ATP8A2: variants seen among roughly 807,000 people sequenced by gnomAD.
ATP8A2 encodes the protein ATPase phospholipid transporting 8A2, also known as phospholipid-transporting ATPase IB.
In ATP8A2, 100 loss-of-function variants were observed where a neutral mutation model predicts 165.6. The ratio of observed to expected loss-of-function variants is 0.60; its 90% CI spans 0.51 to 0.71. ATP8A2 has a LOEUF of 0.71. ATP8A2 is among the 30% of genes least tolerant of loss of function. The pLI is 0.00. For missense variants in ATP8A2, 1,227 were observed against 1,479.5 expected (o/e 0.83, Z 2.80); for synonymous variants, 543 against 548.8 (o/e 0.99, Z 0.15).
intron 24 of ATP8A2, among the ~76,000 whole-genome samples, chr13:25,680,439 T>C (rs763402822): frequency 6.6e-6 from 1 of 152,144 alleles, no homozygotes; most frequent in Non-Finnish European, 1.5e-5. Context: ...CTACCTTGAA[T>C]TCAGATTTCT....
At chr13:25,915,964 T>C (rs1381890325) in intron 33 of ATP8A2, among the ~76,000 whole-genome samples, 4 of 152,354 alleles carry the variant, frequency 2.6e-5, no homozygotes, top group Middle Eastern at 3.4e-3. Context: ...GAAATTTTTC[T>C]TTTTTTCTAT....
At chr13:25,811,256 A>G (rs1328633827) in intron 27 of ATP8A2, among the ~76,000 whole-genome samples, 5 of 152,250 alleles carry the variant, frequency 3.3e-5, no homozygotes, top group Non-Finnish European at 7.3e-5. Flanking sequence ...TATCAGTGAC[A>G]TAATTTTGGC....
rs2138004274 is a variant in ATP8A2 at position 25,543,326 on chromosome 13, G to T, written c.815G>T (p.Arg272Ile). The T allele has an allele frequency of 6.2e-7, 1 of 1,612,612 alleles. No homozygotes were observed. The stretch of plus-strand genomic sequence containing the variant: ...CTTGGGCCTGACCAGATCTTATTAA[G>T]AGGTACACAGCTTAGAAATACTCAG... Reference protein sequence around the residue: ...VALGPDQILLRGTQLRNTQWV... With the variant: ...VALGPDQILLIGTQLRNTQWV... The change falls in exon 10 of 37, where the codon AGA becomes ATA. Residue 272 changes from arginine (R) to isoleucine (I), a missense_variant. Arg to Ile is a moderately conservative substitution (Grantham distance 97, BLOSUM62 -3). Transcript: ENST00000381655.
intron 35 of ATP8A2, among the ~76,000 whole-genome samples, chr13:25,982,314 A>C (rs1956186184): frequency 6.6e-6 from 1 of 152,184 alleles, no homozygotes; most frequent in African/African-American, 2.4e-5. Context: ...CTCGCCTGTG[A>C]CAAATTCCTT....
At position 25,875,040 on chromosome 13, in the gene ATP8A2, G is replaced by A. The variant is rs76284178; in HGVS notation, c.3183+12632G>A. On this transcript the variant is annotated intron_variant, in intron 33 of 36. Coordinates refer to ENST00000381655, the MANE Select transcript of ATP8A2 (RefSeq NM_016529.6). The stretch of plus-strand genomic sequence containing the variant: ...AGGCAAATACTCTATGGTTCTGCTT[G>A]TATATAGTGAGTACTCGTAGAGACA... Among the ~76,000 whole-genome samples, 1,057 of 152,044 alleles carry A rather than the reference G, an allele frequency of 7.0e-3. 15 individuals carry two copies. The highest frequency in any genetic ancestry group is 0.024 in the African/African-American group (991 of 41,488).
chr13:25,870,116 C>T (rs1169550118), intron 33 of ATP8A2, among the ~76,000 whole-genome samples: 2 of 152,172 alleles, frequency 1.3e-5, no homozygotes, highest in Non-Finnish European at 2.9e-5. Flanking sequence ...CGGCTGTCCT[C>T]CAATTGTTCT....
chr13:25,646,933 A>G (rs1342251243), intron 24 of ATP8A2, among the ~76,000 whole-genome samples: 1 of 152,118 alleles, frequency 6.6e-6, no homozygotes, highest in Admixed American at 6.6e-5. Context: ...TAAGGTTCAC[A>G]TGGAGCATAT....
chr13:25,620,858 A>G (rs1270487743), intron 24 of ATP8A2, among the ~76,000 whole-genome samples: 2 of 152,214 alleles, frequency 1.3e-5, no homozygotes, highest in Non-Finnish European at 2.9e-5. Flanking sequence ...CAATGAACTA[A>G]TGGTGACATT....
At chr13:25,679,647 A>G (rs1445071706) in intron 24 of ATP8A2, among the ~76,000 whole-genome samples, 4 of 152,196 alleles carry the variant, frequency 2.6e-5, no homozygotes, top group Non-Finnish European at 4.4e-5. Flanking sequence ...CTAAATGTCT[A>G]CTAGCACACA....
chr13:25,885,642 G>A (rs1953126149), intron 33 of ATP8A2, among the ~76,000 whole-genome samples: 1 of 152,130 alleles, frequency 6.6e-6, no homozygotes, highest in Non-Finnish European at 1.5e-5. Context: ...GCAGTGTCCT[G>A]CTGTTTTTCA....
At chr13:25,658,294 A>G (rs1404668551) in intron 24 of ATP8A2, among the ~76,000 whole-genome samples, 1 of 152,202 alleles carries the variant, frequency 6.6e-6, no homozygotes, top group Non-Finnish European at 1.5e-5. Flanking sequence ...AAAAATGACC[A>G]GACATTCCCC....
chr13:25,792,029 A>G (rs1203481728), intron 27 of ATP8A2, among the ~76,000 whole-genome samples: 1 of 152,194 alleles, frequency 6.6e-6, no homozygotes, highest in East Asian at 1.9e-4. Context: ...AATTGCTTAA[A>G]TTAAAAACTT....
chr13:25,918,838 T>C (rs1223038980), intron 33 of ATP8A2, among the ~76,000 whole-genome samples: 1 of 152,226 alleles, frequency 6.6e-6, no homozygotes, highest in Non-Finnish European at 1.5e-5. Context: ...CTGTATTGGT[T>C]ACTGTGATTA....
chr13:25,395,953 C>T (rs1000124635), intron 1 of ATP8A2, among the ~76,000 whole-genome samples: 7 of 152,002 alleles, frequency 4.6e-5, no homozygotes, highest in Non-Finnish European at 2.9e-5. Flanking sequence ...AAGAGCTTTC[C>T]CTACCTCAGC....
At chr13:25,770,749 C>G (rs1047049989) in intron 26 of ATP8A2, among the ~76,000 whole-genome samples, 8 of 152,146 alleles carry the variant, frequency 5.3e-5, no homozygotes, top group African/African-American at 1.9e-4. Flanking sequence ...CCCTCTGTCT[C>G]CAGATTGCGA....
At chr13:25,828,277 A>G (rs565503635) in intron 28 of ATP8A2, 85 bp downstream of exon 28, 5 of 1,096,360 alleles carry the variant, frequency 4.6e-6, no homozygotes, top group Admixed American at 1.7e-5. Context: ...TGGGAAGTGT[A>G]TCTGAGTCAA....
chr13:25,834,639 G>A (rs114866080), intron 28 of ATP8A2, among the ~76,000 whole-genome samples: 3 of 152,276 alleles, frequency 2.0e-5, no homozygotes, highest in African/African-American at 7.2e-5. Context: ...AGCAAGAAAA[G>A]CATGATGAAG....
rs546492568 is a variant in ATP8A2 at position 25,374,818 on chromosome 13, C to T, written c.76+2530C>T. Among the ~76,000 whole-genome samples, 37 of 152,212 alleles carry T rather than the reference C, an allele frequency of 2.4e-4. 1 individual carries two copies. The South Asian group carries it at 7.5e-3, about 31-fold the overall frequency. On this transcript the variant is annotated intron_variant, in intron 1 of 36. Coordinates refer to ENST00000381655, the MANE Select transcript of ATP8A2 (RefSeq NM_016529.6). ...AAACAGGGGCAGAGGGCCTGACAAT[C>T]GTGTACTCCCATAAAAATACTAAAC...
intron 2 of ATP8A2, among the ~76,000 whole-genome samples, chr13:25,510,697 A>G (rs959606409): frequency 2.6e-5 from 4 of 152,342 alleles, no homozygotes; most frequent in African/African-American, 9.6e-5. Context: ...GTGATATCAG[A>G]TATGAGTAGT....
Sources: allele counts gnomAD v4.1 joint callset (sites outside exome capture counted in the v4.1 genomes callset), GRCh38; gene constraint gnomAD v4.1.1; transcripts MANE v1.5; gene names NCBI Gene and HGNC (gene_info 2026-07-23, HGNC 2026-07-21).